ARRDC1: variants seen among roughly 807,000 people sequenced by gnomAD.
The protein encoded by ARRDC1 is arrestin domain containing 1.
ARRDC1 carries 37 observed loss-of-function variants against 40.1 expected under a neutral mutation model. The ratio of observed to expected loss-of-function variants is 0.92; its 90% CI spans 0.71 to 1.21. The LOEUF (loss-of-function observed/expected upper bound fraction) is 1.21, where lower values mean the gene tolerates loss of function less well. Among genes scored for constraint, ARRDC1 ranks in the 50% most tolerant of loss-of-function variants. ARRDC1 has a pLI of 0.00. For synonymous variants in ARRDC1, 310 were observed against 262.5 expected, an observed-to-expected ratio of 1.18 and a Z score of -1.75; for missense variants, 641 against 581.9, an observed-to-expected ratio of 1.10 and a Z score of -1.04.
Position 137,613,658 on chromosome 9 carries a change from G to A in ARRDC1, c.324G>A (p.Val108=). 1.9e-6 allele frequency: 3 copies of A among 1,614,174 alleles called. No homozygotes were observed. Among genetic ancestry groups the A allele is most frequent in the Non-Finnish European group, 2.5e-6 (3 of 1,180,028 alleles). The change falls in exon 4 of 8, where the codon GTG becomes GTA. Residue 108 remains valine (V), a synonymous_variant. Transcript: ENST00000371421. ...TSFEGPFGKI[V]HQVRAAIHTP... ...TTGAGGGTCCTTTCGGGAAGATCGTGCACCAGGTGAGGGCCGCCATCCACA... is the reference window on the plus strand; with the variant it reads ...TTGAGGGTCCTTTCGGGAAGATCGTACACCAGGTGAGGGCCGCCATCCACA...
At position 137,615,356 on chromosome 9, in the gene ARRDC1, G is replaced by A. The variant is rs1052998902; in HGVS notation, c.*218G>A. Reference sequence around the variant, plus strand: ...CTCCTGTAAATAAAACACTTTATTTGTAGAGCTGGGCCTCACCGGCCTCGC... The same window carrying A: ...CTCCTGTAAATAAAACACTTTATTTATAGAGCTGGGCCTCACCGGCCTCGC... On this transcript the variant is annotated 3_prime_UTR_variant, in exon 8 of 8. Transcript: ENST00000371421. 5 of 551,914 alleles carry A rather than the reference G, an allele frequency of 9.1e-6. No homozygotes were observed. Among genetic ancestry groups the A allele is most frequent in the African/African-American group, 3.8e-5 (2 of 52,358 alleles). 34.2% of individuals were successfully genotyped at this position (551,914 alleles called of 1,614,324 possible). A position where few individuals can be genotyped will look rare whatever the true frequency, so the allele number is the denominator to read the frequency against.
intron 1 of ARRDC1, chr9:137,612,582 G>A (rs750161537): frequency 9.2e-6 from 3 of 325,314 alleles, no homozygotes; most frequent in African/African-American, 2.2e-5. Flanking sequence ...AGGTCTGGCT[G>A]GGAGCCAAGG....
In ARRDC1 at chr9:137,614,766, TCCA is replaced by T. The variant is rs777781156; in HGVS notation, c.1007_1009del (p.Thr336del). On this transcript the variant is annotated inframe_deletion, in exon 7 of 8. Coordinates refer to ENST00000371421, the MANE Select transcript of ARRDC1 (RefSeq NM_152285.4). ...CCACTTCTTGGACCCCGTCTTCCTC[TCCA>T]CCAAGAGCCATTCGCAGCGGCAGCC... 1.2e-6 allele frequency: 2 copies of T among 1,610,640 alleles called. No individual in the cohort carries two copies. The highest frequency in any genetic ancestry group is 1.1e-5 in the South Asian group (1 of 90,888).
chr9:137,613,863 C>G (rs1395959203), intron 4 of ARRDC1, 94 bp downstream of exon 4: 1 of 1,556,818 alleles, frequency 6.4e-7, no homozygotes, highest in African/African-American at 1.4e-5. Context: ...AGCGTCCTGT[C>G]CCCAGCTGAG....
chr9:137,612,795 C>T (rs985623574), intron 1 of ARRDC1, 101 bp from the exon 2 acceptor site: 3 of 840,708 alleles, frequency 3.6e-6, no homozygotes, highest in Non-Finnish European at 1.9e-6. Context: ...GGACCCTGCC[C>T]AGGTGGTGCT....
intron 4 of ARRDC1, 45 bp downstream of exon 4, chr9:137,613,814 G>A (rs1008031716): frequency 6.2e-7 from 1 of 1,604,236 alleles, no homozygotes. Context: ...CCACCCTCAT[G>A]GAGGCTGGGG....
At position 137,613,655 on chromosome 9, in the gene ARRDC1, C is replaced by T. The variant is rs780827485; in HGVS notation, c.321C>T (p.Ile107=). 1.3e-5 allele frequency: 21 copies of T among 1,614,186 alleles called. No homozygotes were observed. Among genetic ancestry groups the T allele is most frequent in the South Asian group, 3.3e-5 (3 of 91,082 alleles). Residue 107 remains isoleucine, a synonymous_variant, in exon 4 of 8, where the codon ATC becomes ATT. Transcript: ENST00000371421. The part of the protein sequence containing the change: ...PTSFEGPFGK[I]VHQVRAAIHT... ...CCTTTGAGGGTCCTTTCGGGAAGAT[C>T]GTGCACCAGGTGAGGGCCGCCATCC...
intron 1 of ARRDC1, among the ~76,000 whole-genome samples, chr9:137,608,233 G>A (rs1305335687): frequency 2.0e-5 from 3 of 152,168 alleles, no homozygotes; most frequent in African/African-American, 7.2e-5. Context: ...CGCCCGCCTC[G>A]GCCTCCCAAA....
At chr9:137,613,979 A>G (rs759350197) in intron 4 of ARRDC1, 53 bp from the exon 5 acceptor site, 49 of 1,597,534 alleles carry the variant, frequency 3.1e-5, no homozygotes, top group Non-Finnish European at 4.1e-5. Context: ...CCAATGCCAC[A>G]GGGATCCAGC....
chr9:137,614,242 C>A, intron 5 of ARRDC1, 28 bp downstream of exon 5: 2 of 1,578,584 alleles, frequency 1.3e-6, no homozygotes, highest in Non-Finnish European at 8.6e-7. Context: ...TTGCCTGGAC[C>A]GGCCTCCTGG....
chr9:137,613,445 C>CT lies in ARRDC1; in HGVS notation c.230-14dup. 6.2e-7 allele frequency: 1 copy of CT among 1,609,582 alleles called. No individual in the cohort carries two copies. Among genetic ancestry groups the CT allele is most frequent in the Non-Finnish European group, 8.5e-7 (1 of 1,179,402 alleles). ...CAGGGGGGGACTGCCCCCCACCTCC[C>CT]TCCTGTCTCTGCAGGGAGCCTGCCC... is the stretch of plus-strand genomic sequence containing the variant. On this transcript the variant is annotated splice_polypyrimidine_tract_variant and intron_variant, in intron 2 of 7. Transcript: ENST00000371421.
chr9:137,615,321 G>A lies in ARRDC1; in HGVS notation c.*183G>A, dbSNP rs1167893464. 3.3e-6 allele frequency: 2 copies of A among 604,088 alleles called. No homozygotes were observed. Among genetic ancestry groups the A allele is most frequent in the Non-Finnish European group, 5.5e-6 (2 of 365,502 alleles). 37.4% of individuals were successfully genotyped at this position (604,088 alleles called of 1,614,324 possible). ...TGGGGGTGGCAGGGAGCTGGGACCTGGAGAGACAACTCCTGTAAATAAAAC... is the reference window on the plus strand; with the variant it reads ...TGGGGGTGGCAGGGAGCTGGGACCTAGAGAGACAACTCCTGTAAATAAAAC... On this transcript the variant is annotated 3_prime_UTR_variant, in exon 8 of 8. Coordinates refer to ENST00000371421, the MANE Select transcript of ARRDC1 (RefSeq NM_152285.4).
chr9:137,608,000 C>A (rs1021700075), intron 1 of ARRDC1, among the ~76,000 whole-genome samples: 1 of 151,970 alleles, frequency 6.6e-6, no homozygotes, highest in East Asian at 1.9e-4. Flanking sequence ...TTTATTTTTT[C>A]GAGACGGAGT....
chr9:137,606,898 C>T (rs529458485), intron 1 of ARRDC1, among the ~76,000 whole-genome samples: 1 of 152,348 alleles, frequency 6.6e-6, no homozygotes, highest in African/African-American at 2.4e-5. Flanking sequence ...GTCGTCCTTC[C>T]CCTGGCGTGG....
chr9:137,609,312 G>A (rs1842473485), intron 1 of ARRDC1, among the ~76,000 whole-genome samples: 1 of 151,778 alleles, frequency 6.6e-6, no homozygotes, highest in African/African-American at 2.4e-5. Context: ...GCTGCTCACC[G>A]CAACCTCTGC....
Position 137,615,238 on chromosome 9 carries a change from A to C in ARRDC1, c.*100A>C. 1 of 1,158,688 alleles carries C rather than the reference A, an allele frequency of 8.6e-7. No individual in the cohort carries two copies. The highest frequency in any genetic ancestry group is 1.2e-6 in the Non-Finnish European group (1 of 859,314). The allele number at this position is 1,158,688 out of a possible 1,614,324, so 71.8% of individuals were successfully genotyped here. On this transcript the variant is annotated 3_prime_UTR_variant, in exon 8 of 8. Transcript: ENST00000371421. Reference sequence around the variant, plus strand: ...CTTGGCCTAGCCTGGCCCACTCAGGACCTGCCCAGCCTCTGCCAGCTCCTC... The same window carrying C: ...CTTGGCCTAGCCTGGCCCACTCAGGCCCTGCCCAGCCTCTGCCAGCTCCTC...
chr9:137,614,634 G>T lies in ARRDC1; in HGVS notation c.871G>T (p.Val291Leu). The change falls in exon 7 of 8, where the codon GTG becomes TTG. Residue 291 changes from valine to leucine, a missense_variant. Val to Leu is a conservative substitution (Grantham distance 32). Transcript: ENST00000371421. The stretch of plus-strand genomic sequence containing the variant: ...CAATATTGCTGTGAACCATGCCCCA[G>T]TGAGCCCCCGGCCAGGCCTGGGGCT... The part of the protein sequence containing the change: ...IGNIAVNHAP[V>L]SPRPGLGLPP... 2 of 1,612,830 alleles carry T rather than the reference G, an allele frequency of 1.2e-6. No individual in the cohort carries two copies. The highest frequency in any genetic ancestry group is 8.5e-7 in the Non-Finnish European group (1 of 1,179,848).
In ARRDC1 at chr9:137,605,700, G is replaced by A; in HGVS notation, c.-18G>A. On this transcript the variant is annotated 5_prime_UTR_variant, in exon 1 of 8. Coordinates refer to ENST00000371421, the MANE Select transcript of ARRDC1 (RefSeq NM_152285.4). ...CGGGCGGGGGCGTCGCTGCGCGGCT[G>A]GCCGGTGAGGCCGCGGCATGGGGCG... 1 of 1,341,130 alleles carries A rather than the reference G, an allele frequency of 7.5e-7. No homozygotes were observed. 83.1% of individuals were successfully genotyped at this position (1,341,130 alleles called of 1,614,324 possible).
intron 1 of ARRDC1, among the ~76,000 whole-genome samples, chr9:137,610,806 G>C (rs1240263198): frequency 6.6e-6 from 1 of 151,896 alleles, no homozygotes; most frequent in South Asian, 2.1e-4. Context: ...CAGGTGATCT[G>C]CCTGCCTTGG....
Sources: allele counts gnomAD v4.1 joint callset (sites outside exome capture counted in the v4.1 genomes callset), GRCh38; gene constraint gnomAD v4.1.1; transcripts MANE v1.5; gene names NCBI Gene and HGNC (gene_info 2026-07-23, HGNC 2026-07-21).